Variants in IQGAP1 observed in about 807,000 individuals in gnomAD.
IQGAP1 encodes ras GTPase-activating-like protein IQGAP1.
IQGAP1 carries 66 observed loss-of-function variants against 215.6 expected under a neutral mutation model. The observed-to-expected ratio is 0.31, with a 90% CI of 0.25 to 0.38. IQGAP1 has a LOEUF of 0.38. Ranked by LOEUF, IQGAP1 falls within the 10% of genes least tolerant of loss-of-function variation. IQGAP1 has a pLI of 1.00. For synonymous variants in IQGAP1, 772 were observed against 728.7 expected, an observed-to-expected ratio of 1.06 and a Z score of -0.96; for missense variants, 1,712 against 1,997.1, an observed-to-expected ratio of 0.86 and a Z score of 2.72.
At chr15:90,457,165 G>A (rs1965696791) in intron 15 of IQGAP1, among the ~76,000 whole-genome samples, 2 of 151,518 alleles carry the variant, frequency 1.3e-5, no homozygotes, top group South Asian at 4.2e-4. Context: ...TTGGTGGTAA[G>A]CACTATTCTG....
rs553937251 is a variant in IQGAP1 at position 90,486,078 on chromosome 15, A to G, written c.3970A>G (p.Ile1324Val). 3 of 1,613,976 alleles carry G rather than the reference A, an allele frequency of 1.9e-6. No individual in the cohort carries two copies. Among genetic ancestry groups the G allele is most frequent in the South Asian group, 1.1e-5 (1 of 91,026 alleles). Residue 1324 changes from isoleucine to valine, a missense_variant, in exon 31 of 38, where the codon ATC becomes GTC. Physicochemically the swap from Ile to Val is conservative, Grantham distance 29 (BLOSUM62 3). Coordinates refer to ENST00000268182, the MANE Select transcript of IQGAP1 (RefSeq NM_003870.4). ...CATTGCTCCGGAGCACAATGATCCA[A>G]TCCACGAACTGCTGGACGACCTCGG... The part of the protein sequence containing the change: ...DAIAPEHNDP[I>V]HELLDDLGEV...
At chr15:90,459,092 CT>C (rs1417574764) in intron 15 of IQGAP1, among the ~76,000 whole-genome samples, 1 of 152,196 alleles carries the variant, frequency 6.6e-6, no homozygotes, top group Non-Finnish European at 1.5e-5. Flanking sequence ...TTAAAAATTT[CT>C]TTTAGCCCTT....
chr15:90,447,730 T>G (rs879714447), intron 9 of IQGAP1, among the ~76,000 whole-genome samples: 13 of 152,214 alleles, frequency 8.5e-5, no homozygotes, highest in South Asian at 4.1e-4. Flanking sequence ...GTTTTGTTTT[T>G]TTTACAATAT....
chr15:90,457,595 AT>A (rs34550575), intron 15 of IQGAP1, among the ~76,000 whole-genome samples: 208 of 131,350 alleles, frequency 1.6e-3, no homozygotes, highest in Middle Eastern at 3.9e-3. Flanking sequence ...CCTGGCTAAA[AT>A]TTTTTTTTTT....
In IQGAP1 at chr15:90,483,349, C is replaced by T. The variant is rs569138436; in HGVS notation, c.3556-12C>T. On this transcript the variant is annotated splice_polypyrimidine_tract_variant and intron_variant, in intron 28 of 37. Coordinates refer to ENST00000268182, the MANE Select transcript of IQGAP1 (RefSeq NM_003870.4). ...TCTTTTAATACCCATCTTTCTGTTT[C>T]GTCTGTTCCAGATTATTGGTAACTT... 1.7e-5 allele frequency: 27 copies of T among 1,587,638 alleles called. No individual in the cohort carries two copies. Among genetic ancestry groups the T allele is most frequent in the South Asian group, 6.6e-5 (6 of 90,366 alleles).
At chr15:90,487,134 G>A (rs944141612) in intron 32 of IQGAP1, 45 bp downstream of exon 32, 40 of 1,607,616 alleles carry the variant, frequency 2.5e-5, no homozygotes, top group African/African-American at 4.0e-5. Flanking sequence ...TAATCTGAAG[G>A]TTTCTTGGCC....
At chr15:90,456,512 G>T (rs937024077) in intron 15 of IQGAP1, among the ~76,000 whole-genome samples, 197 bp downstream of exon 15, 23 of 152,074 alleles carry the variant, frequency 1.5e-4, no homozygotes, top group African/African-American at 5.3e-4. Context: ...TTACACATTT[G>T]GGTTTTTGTT....
intron 23 of IQGAP1, chr15:90,475,885 C>T (rs536371535): frequency 6.6e-5 from 10 of 151,820 alleles, no homozygotes; most frequent in African/African-American, 2.4e-4. Flanking sequence ...TACATTCTTA[C>T]TTCATATTAA....
intron 34 of IQGAP1, among the ~76,000 whole-genome samples, chr15:90,492,334 G>A (rs921033866): frequency 5.3e-5 from 8 of 151,304 alleles, no homozygotes; most frequent in African/African-American, 1.9e-4. Flanking sequence ...TGGAGGCTGA[G>A]GTGGGAGGAT....
intron 2 of IQGAP1, among the ~76,000 whole-genome samples, chr15:90,413,830 A>G (rs1965004162): frequency 1.3e-5 from 2 of 152,146 alleles, no homozygotes; most frequent in African/African-American, 4.8e-5. Flanking sequence ...TGCTTTATAT[A>G]TGGGAAATGG....
intron 10 of IQGAP1, 113 bp from the exon 11 acceptor site, chr15:90,449,446 C>G: frequency 1.2e-6 from 1 of 858,030 alleles, no homozygotes; most frequent in Non-Finnish European, 1.7e-6. Context: ...TGAGCTGTCA[C>G]TTATGACTAT....
chr15:90,441,614 C>T lies in IQGAP1; in HGVS notation c.758C>T (p.Pro253Leu). Residue 253 changes from proline to leucine, a missense_variant, in exon 8 of 38, where the codon CCC becomes CTC. Transcript: ENST00000268182. ...PNAMLVNLEE[P>L]LASTYQDILY... Reference sequence around the variant, plus strand: ...GCCATGCTTGTAAATCTTGAAGAGCCCTTGGCATCCACTTACCAGGATATA... The same window carrying T: ...GCCATGCTTGTAAATCTTGAAGAGCTCTTGGCATCCACTTACCAGGATATA... 6.2e-7 allele frequency: 1 copy of T among 1,613,648 alleles called. No individual in the cohort carries two copies.
intron 6 of IQGAP1, 101 bp downstream of exon 6, chr15:90,439,500 C>A: frequency 2.5e-6 from 2 of 806,784 alleles, no homozygotes; most frequent in Non-Finnish European, 4.0e-6. Flanking sequence ...TAAAAATACA[C>A]TGGCAGTGGA....
chr15:90,431,311 A>T (rs1965300045), intron 4 of IQGAP1: 2 of 152,140 alleles, frequency 1.3e-5, no homozygotes, highest in Admixed American at 1.3e-4. Flanking sequence ...AAGTTCTTAC[A>T]GCTACGTGGC....
At position 90,487,528 on chromosome 15, in the gene IQGAP1, C is replaced by T; in HGVS notation, c.4194C>T (p.Phe1398=). 1.2e-6 allele frequency: 2 copies of T among 1,614,006 alleles called. No homozygotes were observed. Among genetic ancestry groups the T allele is most frequent in the Non-Finnish European group, 8.5e-7 (1 of 1,179,898 alleles). The change falls in exon 33 of 38, where the codon TTC becomes TTT. Residue 1398 remains phenylalanine (F), a synonymous_variant. Transcript: ENST00000268182. ...GTTTAATTGTGGATGTCATCCGGTT[C>T]CAGCCAGGAGAGACCTTGACTGAAA... ...TKRLIVDVIR[F]QPGETLTEIL...
intron 1 of IQGAP1, among the ~76,000 whole-genome samples, chr15:90,389,946 C>T (rs1256440063): frequency 8.1e-6 from 1 of 123,214 alleles, no homozygotes; most frequent in East Asian, 2.6e-4. Flanking sequence ...CAGAACAAGA[C>T]CCTGTCTCAA....
rs182304228 is a variant in IQGAP1, at chr15:90,450,096, A to T, written c.1162+453A>T. On this transcript the variant is annotated intron_variant, in intron 11 of 37. Transcript: ENST00000268182. The stretch of plus-strand genomic sequence containing the variant: ...ATCTAACACTAGACCTATTCCTTGT[A>T]TCTAATGGTAATTTTGTACCCGTTA... Among the ~76,000 whole-genome samples the T allele has an allele frequency of 4.2e-4, 64 of 152,242 alleles. 1 individual carries two copies. The highest frequency in any genetic ancestry group is 1.5e-3 in the African/African-American group (63 of 41,542).
rs1966328698 is a variant in IQGAP1 at position 90,500,621 on chromosome 15, G to A, written c.*513G>A. 2 of 152,288 alleles carry A rather than the reference G, an allele frequency of 1.3e-5. No individual in the cohort carries two copies. The highest frequency in any genetic ancestry group is 6.5e-5 in the Admixed American group (1 of 15,280). 9.4% of individuals were successfully genotyped at this position (152,288 alleles called of 1,614,324 possible). A position where few individuals can be genotyped will look rare whatever the true frequency, so the allele number is the denominator to read the frequency against. On this transcript the variant is annotated 3_prime_UTR_variant, in exon 38 of 38. Coordinates refer to ENST00000268182, the MANE Select transcript of IQGAP1 (RefSeq NM_003870.4). ...TTTCTGTCCCATCAGGAAAACTGAA[G>A]GATATGGGGAATCATTGGTTATCTT...
At chr15:90,410,226 C>T (rs543293647) in intron 2 of IQGAP1, among the ~76,000 whole-genome samples, 1 of 152,272 alleles carries the variant, frequency 6.6e-6, no homozygotes, top group South Asian at 2.1e-4. Context: ...CTTGCCCATG[C>T]CTATGTCCTG....
Sources: gnomAD v4.1 joint callset for allele counts (sites outside exome capture counted in the v4.1 genomes callset) on GRCh38, gnomAD v4.1.1 for gene constraint, MANE v1.5 for transcripts, NCBI Gene and HGNC (gene_info 2026-07-23, HGNC 2026-07-21) for gene names.